Variants in RERE observed in about 807,000 individuals in gnomAD.
The protein encoded by RERE is arginine-glutamic acid dipeptide repeats protein.
In RERE, 40 loss-of-function variants were observed where a neutral mutation model predicts 146.1. That is an observed-to-expected ratio of 0.27 (90% CI 0.21 to 0.36). RERE has a LOEUF of 0.36. RERE is among the 10% of genes least tolerant of loss of function. The pLI, the probability that RERE is intolerant of heterozygous loss-of-function variation, is 1.00. For synonymous variants in RERE, 1,003 were observed against 866.0 expected (o/e 1.16, Z -2.78); for missense variants, 1,933 against 2,138.7 (o/e 0.90, Z 1.90).
chr1:8,355,687 G>A lies in RERE; in HGVS notation c.4487-88C>T, dbSNP rs1641262932. 6.8e-6 allele frequency: 8 copies of A among 1,179,434 alleles called. No homozygotes were observed. The Admixed American group carries it at 8.2e-5, about 12-fold the overall frequency. The allele number at this position is 1,179,434 out of a possible 1,614,324, so 73.1% of individuals were successfully genotyped here. Reference sequence around the variant, plus strand: ...GCACAGGCACAGCAAACGGCAAAGAGCACAGGAGAGGTGCCAGTTCGGACA... The same window carrying A: ...GCACAGGCACAGCAAACGGCAAAGAACACAGGAGAGGTGCCAGTTCGGACA... On this transcript the variant is annotated intron_variant, in intron 21 of 22. Transcript: ENST00000400908.
intron 1 of RERE, chr1:8,806,857 C>G (rs1035078153): frequency 1.3e-5 from 2 of 152,200 alleles, no homozygotes; most frequent in Non-Finnish European, 2.9e-5. Flanking sequence ...GACTAGACTT[C>G]AGCTTTGCTC....
chr1:8,564,832 A>ATATGTGTGTGTGTGTGTGTG (rs1646129476), intron 4 of RERE, among the ~76,000 whole-genome samples: 1 of 139,016 alleles, frequency 7.2e-6, no homozygotes, highest in African/African-American at 2.8e-5. Context: ...GTATATGTGT[A>ATATGTGTGTGTGTGTGTGTG]TGTGTGTGTG....
intron 1 of RERE, among the ~76,000 whole-genome samples, chr1:8,663,548 C>A (rs867386741): frequency 6.6e-6 from 1 of 152,158 alleles, no homozygotes; most frequent in African/African-American, 2.4e-5. Context: ...TCTAACAGAT[C>A]TTTGTGACTA....
intron 1 of RERE, among the ~76,000 whole-genome samples, chr1:8,815,527 A>G (rs1241857801): frequency 6.6e-6 from 1 of 152,178 alleles, no homozygotes; most frequent in Non-Finnish European, 1.5e-5. Flanking sequence ...TATACAAAAA[A>G]GAAAGAGCAG....
At position 8,516,227 on chromosome 1, in the gene RERE, G is replaced by GGAAAAAAAAAAAAAAAAAAAAAAAAAA. The variant is rs573135224; in HGVS notation, c.831-7553_831-7552insTTTTTTTTTTTTTTTTTTTTTTTTTTC. Among the ~76,000 whole-genome samples, 10 of 52,310 alleles carry GGAAAAAAAAAAAAAAAAAAAAAAAAAA rather than the reference G, an allele frequency of 1.9e-4. 1 individual carries two copies. Among genetic ancestry groups the GGAAAAAAAAAAAAAAAAAAAAAAAAAA allele is most frequent in the African/African-American group, 8.6e-4 (10 of 11,630 alleles). The allele number at this position is 52,310 out of a possible 152,430, so 34.3% of individuals were successfully genotyped here. On this transcript the variant is annotated intron_variant, in intron 7 of 22. Transcript: ENST00000400908. The stretch of plus-strand genomic sequence containing the variant: ...GGGACGGAGCAAGACTCTCTCAGAG[G>GGAAAAAAAAAAAAAAAAAAAAAAAAAA]AAAAAAAAAAAAAAAAAAAAAATCT...
intron 1 of RERE, among the ~76,000 whole-genome samples, chr1:8,724,674 C>G (rs1189278141): frequency 6.6e-6 from 1 of 151,548 alleles, no homozygotes; most frequent in East Asian, 1.9e-4. Flanking sequence ...ACTAAAAATA[C>G]AAAAATTAGC....
intron 6 of RERE, among the ~76,000 whole-genome samples, chr1:8,553,437 C>T (rs1425962595): frequency 6.6e-6 from 1 of 152,114 alleles, no homozygotes; most frequent in Non-Finnish European, 1.5e-5. Flanking sequence ...CGTGTCCACA[C>T]ACACGTGACA....
intron 1 of RERE, among the ~76,000 whole-genome samples, chr1:8,773,193 G>GT (rs1239477324): frequency 6.6e-6 from 1 of 152,136 alleles, no homozygotes; most frequent in Non-Finnish European, 1.5e-5. Flanking sequence ...ACCAAAGAAA[G>GT]TTTTTGAGAA....
At position 8,566,345 on chromosome 1, in the gene RERE, G is replaced by A. The variant is rs537622319; in HGVS notation, c.523-8822C>T. Among the ~76,000 whole-genome samples the A allele has an allele frequency of 2.6e-5, 4 of 152,310 alleles. No individual in the cohort carries two copies. The East Asian group carries it at 5.8e-4, about 22-fold the overall frequency. On this transcript the variant is annotated intron_variant, in intron 4 of 22. Coordinates refer to ENST00000400908, the MANE Select transcript of RERE (RefSeq NM_001042681.2). ...AAAACAAAATAAAATACCTGGGCTG[G>A]GTGTGGTGGCTCACACCTGTAATCC...
At position 8,446,505 on chromosome 1, in the gene RERE, T is replaced by C. The variant is rs570425153; in HGVS notation, c.1203+19420A>G. Among the ~76,000 whole-genome samples, 27 of 152,320 alleles carry C rather than the reference T, an allele frequency of 1.8e-4. No individual in the cohort carries two copies. The East Asian group carries it at 4.2e-3, about 24-fold the overall frequency. On this transcript the variant is annotated intron_variant, in intron 11 of 22. Transcript: ENST00000400908. ...GAGTATCTTTGTGGTGGTCTCTGTA[T>C]TTCCTGAATTTGAATGCTGGCCTGT...
rs1641154772 is a variant in RERE, at chr1:8,352,985, A to G, written c.*2102T>C. 2 of 152,542 alleles carry G rather than the reference A, an allele frequency of 1.3e-5. No individual in the cohort carries two copies. Among genetic ancestry groups the G allele is most frequent in the African/African-American group, 2.4e-5 (1 of 41,458 alleles). The allele number at this position is 152,542 out of a possible 1,614,324, so 9.4% of individuals were successfully genotyped here. On this transcript the variant is annotated 3_prime_UTR_variant, in exon 23 of 23. Coordinates refer to ENST00000400908, the MANE Select transcript of RERE (RefSeq NM_001042681.2). The stretch of plus-strand genomic sequence containing the variant: ...GTAGATGTTGTGTTCTACCAAAAAG[A>G]AAGAAAAACCAGAAGCCGAGAAGGT...
rs919049011 is a variant in RERE, at chr1:8,489,183, G to A, written c.1104+5880C>T. Among the ~76,000 whole-genome samples the A allele has an allele frequency of 1.2e-4, 18 of 151,828 alleles. 1 individual carries two copies. The highest frequency in any genetic ancestry group is 1.1e-3 in the Admixed American group (17 of 15,234). ...ACATAGTGAGGCCCTGTCACTAGAA[G>A]AAACAAACAAACAAACAAAAACTCT... On this transcript the variant is annotated intron_variant, in intron 10 of 22. Coordinates refer to ENST00000400908, the MANE Select transcript of RERE (RefSeq NM_001042681.2).
At chr1:8,558,079 C>T (rs1049505293) in intron 4 of RERE, among the ~76,000 whole-genome samples, 45 of 152,116 alleles carry the variant, frequency 3.0e-4, no homozygotes, top group African/African-American at 1.0e-3. Flanking sequence ...ATGAATATAG[C>T]GAAGAATGGG....
At chr1:8,625,897 T>C (rs1035630136) in intron 2 of RERE, among the ~76,000 whole-genome samples, 28 of 152,176 alleles carry the variant, frequency 1.8e-4, no homozygotes, top group African/African-American at 6.8e-4. Flanking sequence ...AGAAGAAATC[T>C]CAATGCCAAC....
chr1:8,386,016 ATATATATTTTTTTTTTTTT>A (rs1481911885), intron 12 of RERE, among the ~76,000 whole-genome samples: 14 of 44,256 alleles, frequency 3.2e-4, no homozygotes, highest in African/African-American at 1.2e-3. Flanking sequence ...ATATATATAT[ATATATATTTTTTTTTTTTT>A]TTTTTTTTTT....
intron 10 of RERE, among the ~76,000 whole-genome samples, chr1:8,477,023 T>A (rs748886361): frequency 2.8e-4 from 43 of 152,254 alleles, no homozygotes; most frequent in Non-Finnish European, 4.0e-4. Context: ...GAATGGCTCC[T>A]GCACAGGCTT....
chr1:8,477,724 G>T (rs1014866142), intron 10 of RERE, among the ~76,000 whole-genome samples: 3 of 152,192 alleles, frequency 2.0e-5, no homozygotes, highest in Non-Finnish European at 2.9e-5. Context: ...CTACTTAGTA[G>T]AATTGAGGTA....
At chr1:8,406,849 C>T (rs889331735) in intron 12 of RERE, among the ~76,000 whole-genome samples, 7 of 152,034 alleles carry the variant, frequency 4.6e-5, no homozygotes, top group Non-Finnish European at 1.0e-4. Flanking sequence ...AATTTTAGAC[C>T]GCATTTTCAG....
At chr1:8,706,017 A>G (rs1011931584) in intron 1 of RERE, among the ~76,000 whole-genome samples, 4 of 148,912 alleles carry the variant, frequency 2.7e-5, no homozygotes, top group African/African-American at 9.9e-5. Context: ...TAGGGAGGCT[A>G]AGGCAGGAGA....
Sources: gnomAD v4.1 joint callset for allele counts (sites outside exome capture counted in the v4.1 genomes callset) on GRCh38, gnomAD v4.1.1 for gene constraint, MANE v1.5 for transcripts, NCBI Gene and HGNC (gene_info 2026-07-23, HGNC 2026-07-21) for gene names.